Variants in HEPH observed in about 807,000 individuals in gnomAD.
HEPH encodes the protein hephaestin.
Under a neutral mutation model 80.8 loss-of-function variants are expected in HEPH, and 69 were observed. The observed-to-expected ratio is 0.85, with a 90% CI of 0.70 to 1.04. HEPH has a LOEUF of 1.04. Ranked by LOEUF, HEPH falls within the 50% of genes least tolerant of loss-of-function variation. The pLI is 0.00. For synonymous variants in HEPH, 431 were observed against 322.8 expected, an observed-to-expected ratio of 1.34 and a Z score of -3.60; for missense variants, 1,115 against 891.3, an observed-to-expected ratio of 1.25 and a Z score of -3.20.
intron 15 of HEPH, among the ~76,000 whole-genome samples, chrX:66,246,232 C>T (rs192644726): frequency 9.6e-4 from 108 of 112,007 alleles, no homozygotes; most frequent in Non-Finnish European, 1.4e-3. Flanking sequence ...AGAAGTGAGA[C>T]TGTTGGGTTA....
chrX:66,235,909 C>T lies in HEPH; in HGVS notation c.2564-19126C>T, dbSNP rs186324756. ...AATGGAATGGAATGGAATAGCATTC[C>T]TGATTTAGCTCGTGGCTTAACTGTT... On this transcript the variant is annotated intron_variant, in intron 15 of 20. Coordinates refer to ENST00000343002, the MANE Select transcript of HEPH (RefSeq NM_001367233.3). 6.3e-3 allele frequency among the ~76,000 whole-genome samples: 698 copies of T among 110,797 alleles called. 10 individuals are homozygous for T. Among genetic ancestry groups the T allele is most frequent in the African/African-American group, 0.022 (675 of 30,589 alleles).
intron 15 of HEPH, among the ~76,000 whole-genome samples, chrX:66,248,004 AAAT>A (rs1214171081): frequency 9.0e-6 from 1 of 111,605 alleles, no homozygotes; most frequent in Non-Finnish European, 1.9e-5. Context: ...ATCCAGTTAC[AAAT>A]AATAAGGCAT....
At chrX:66,257,799 G>C (rs2091230306) in intron 17 of HEPH, among the ~76,000 whole-genome samples, 1 of 111,590 alleles carries the variant, frequency 9.0e-6, no homozygotes, top group African/African-American at 3.3e-5. Context: ...GATTATAAAT[G>C]ATTGCTTCCT....
chrX:66,208,657 TATA>T (rs1418597932), intron 15 of HEPH, among the ~76,000 whole-genome samples: 1 of 73,173 alleles, frequency 1.4e-5, no homozygotes, highest in Non-Finnish European at 2.3e-5. Flanking sequence ...TATATATATA[TATA>T]TATATATATA....
chrX:66,173,817 A>G lies in HEPH; in HGVS notation c.625+16A>G. On this transcript the variant is annotated intron_variant, in intron 4 of 20. Transcript: ENST00000343002. ...TGTAAAAGAGGTACAGGTCCCAAGG[A>G]TAAGCTATGAGGTGTAGTTTGGGAC... 8.9e-7 allele frequency: 1 copy of G among 1,129,435 alleles called. No homozygotes were observed. Among genetic ancestry groups the G allele is most frequent in the Non-Finnish European group, 1.2e-6 (1 of 837,439 alleles). The allele number at this position is 1,129,435 out of a possible 1,213,427, so 93.1% of individuals were successfully genotyped here.
Position 66,197,866 on chromosome X carries a change from C to A in HEPH, c.1685C>A (p.Ala562Asp). 8.3e-7 allele frequency: 1 copy of A among 1,204,370 alleles called. No individual in the cohort carries two copies. The change falls in exon 10 of 21, where the codon GCT (alanine) becomes GAT (aspartate). Residue 562 changes from alanine to aspartate, a missense_variant. Coordinates refer to ENST00000343002, the MANE Select transcript of HEPH (RefSeq NM_001367233.3). ...GTGGGCCCGCTGCTGGTGTGCAGGG[C>A]TGGTGCCTTGGGTGCAGATGGCAAG... The part of the protein sequence containing the change: ...GLVGPLLVCR[A>D]GALGADGKQK...
Position 66,192,196 on chromosome X carries a change from G to A in HEPH, c.1130G>A (p.Gly377Asp), listed in dbSNP as rs373443837. 3.3e-6 allele frequency: 4 copies of A among 1,208,751 alleles called. No individual in the cohort carries two copies. The highest frequency in any genetic ancestry group is 4.5e-6 in the Non-Finnish European group (4 of 894,557). ...SMAPPVDLLT[G>D]KVRQYFIEAH... ...GCCCCTCCTGTGGACCTGCTCACAG[G>A]CAAAGTTCGACAGTACTTCATTGAG... The change falls in exon 7 of 21, where the codon GGC (glycine) becomes GAC (aspartate). Residue 377 changes from glycine (G) to aspartate (D), a missense_variant. Transcript: ENST00000343002.
At chrX:66,178,910 G>A (rs1349337319) in intron 4 of HEPH, among the ~76,000 whole-genome samples, 1 of 111,595 alleles carries the variant, frequency 9.0e-6, no homozygotes, top group Non-Finnish European at 1.9e-5. Context: ...GTTCACTCTG[G>A]TGGTAGTTTC....
At chrX:66,205,878 G>T (rs1304524003) in intron 13 of HEPH, among the ~76,000 whole-genome samples, 1 of 111,142 alleles carries the variant, frequency 9.0e-6, no homozygotes, top group Non-Finnish European at 1.9e-5. Context: ...TGAAAATGAT[G>T]CAGTATAAGA....
chrX:66,264,385 C>T, intron 20 of HEPH, among the ~76,000 whole-genome samples: 1 of 108,978 alleles, frequency 9.2e-6, no homozygotes, highest in Middle Eastern at 4.8e-3. Context: ...CTAGTTCCAA[C>T]ACCATATGTT....
At chrX:66,268,158 T>A (rs1281964037), downstream of HEPH, 1 of 111,906 alleles carries the variant, frequency 8.9e-6, no homozygotes, top group African/African-American at 3.2e-5. Flanking sequence ...TTCATCTGTT[T>A]GACTCCAAAT....
At chrX:66,232,492 G>C (rs2090190612) in intron 15 of HEPH, among the ~76,000 whole-genome samples, 1 of 111,450 alleles carries the variant, frequency 9.0e-6, no homozygotes, top group African/African-American at 3.3e-5. Context: ...TCAGAATGCT[G>C]ACATAAGCAA....
Position 66,256,190 on chromosome X carries a change from G to T in HEPH, c.2756G>T (p.Arg919Leu), listed in dbSNP as rs757615226. ...EPHGGRSDMD[R>L]EFALLFLIFD... ...CATGGAGGACGGAGTGACATGGATC[G>T]GGAATTTGCATTGTTGTTCTTGATT... The change falls in exon 17 of 21, where the codon CGG becomes CTG. Residue 919 changes from arginine to leucine, a missense_variant. Physicochemically the swap from Arg to Leu is moderately radical, Grantham distance 102. Coordinates refer to ENST00000343002, the MANE Select transcript of HEPH (RefSeq NM_001367233.3). The T allele has an allele frequency of 8.3e-7, 1 of 1,211,331 alleles. No homozygotes were observed. Among genetic ancestry groups the T allele is most frequent in the East Asian group, 3.0e-5 (1 of 33,796 alleles).
intron 15 of HEPH, among the ~76,000 whole-genome samples, chrX:66,229,571 A>G (rs1017730159): frequency 1.8e-5 from 2 of 111,550 alleles, no homozygotes; most frequent in African/African-American, 6.5e-5. Context: ...CATGTAACCA[A>G]ATACCACCTG....
At chrX:66,192,071 TC>T in intron 6 of HEPH, 58 bp from the exon 7 acceptor site, 1 of 1,081,887 alleles carries the variant, frequency 9.2e-7, no homozygotes, top group South Asian at 2.3e-5. Context: ...GGAAGGTGAG[TC>T]CTCTGGGTTA....
intron 12 of HEPH, among the ~76,000 whole-genome samples, chrX:66,202,418 A>C (rs2088510129): frequency 9.0e-6 from 1 of 111,669 alleles, no homozygotes; most frequent in African/African-American, 3.3e-5. Context: ...AAAGTAAGGA[A>C]ACAATGAGAG....
At chrX:66,192,861 C>T (rs2087883707) in intron 7 of HEPH, among the ~76,000 whole-genome samples, 1 of 111,284 alleles carries the variant, frequency 9.0e-6, no homozygotes, top group Admixed American at 9.6e-5. Context: ...AGGTTAGTGC[C>T]CTACTCAGTT....
intron 15 of HEPH, among the ~76,000 whole-genome samples, chrX:66,242,877 A>G (rs1033507342): frequency 9.0e-6 from 1 of 111,692 alleles, no homozygotes; most frequent in Non-Finnish European, 1.9e-5. Flanking sequence ...TGCCAATGAG[A>G]TTGTGGATAA....
intron 15 of HEPH, among the ~76,000 whole-genome samples, chrX:66,245,531 G>T (rs979738843): frequency 5.3e-4 from 59 of 110,941 alleles, no homozygotes; most frequent in African/African-American, 1.8e-3. Context: ...AATAATAATG[G>T]GAGACTTTAA....
Sources: gnomAD v4.1 joint callset for allele counts (sites outside exome capture counted in the v4.1 genomes callset) on GRCh38, gnomAD v4.1.1 for gene constraint, MANE v1.5 for transcripts, NCBI Gene and HGNC (gene_info 2026-07-23, HGNC 2026-07-21) for gene names.